Variants in SMARCA2 observed in about 807,000 individuals in gnomAD.
SMARCA2 encodes the protein SWI/SNF related BAF chromatin remodeling complex subunit ATPase 2, also known as SWI/SNF-related matrix-associated actin-dependent regulator of chromatin subfamily A member 2.
In SMARCA2, 61 loss-of-function variants were observed where a neutral mutation model predicts 199.8. The observed-to-expected ratio is 0.31, with a 90% CI of 0.25 to 0.38. The LOEUF (loss-of-function observed/expected upper bound fraction) is 0.38. SMARCA2 is among the 10% of genes least tolerant of loss of function. SMARCA2 has a pLI of 1.00. For synonymous variants in SMARCA2, 935 were observed against 732.0 expected (o/e 1.28, Z -4.48); for missense variants, 1,344 against 2,012.2 (o/e 0.67, Z 6.35).
intron 27 of SMARCA2, chr9:2,159,684 T>G: frequency 8.4e-7 from 1 of 1,193,732 alleles, no homozygotes; most frequent in African/African-American, 1.5e-5. Context: ...CCTTCGGGCC[T>G]TGTAGTAGGT....
chr9:2,137,584 A>G (rs146665991), intron 27 of SMARCA2, among the ~76,000 whole-genome samples: 1 of 152,176 alleles, frequency 6.6e-6, no homozygotes, highest in Non-Finnish European at 1.5e-5. Context: ...GCTGAAATAG[A>G]TAGCCCCTGG....
intron 27 of SMARCA2, among the ~76,000 whole-genome samples, chr9:2,141,159 T>C (rs1586747035): frequency 9.4e-6 from 1 of 106,620 alleles, no homozygotes; most frequent in Admixed American, 9.7e-5. Flanking sequence ...TTTTCAGGAC[T>C]TTTCCTGAGC....
chr9:2,017,511 G>T lies in SMARCA2; in HGVS notation c.-37+2107G>T. ...GGGGAGGACAAGGCGAGGTTTGGTG[G>T]CGAGGGCTGGTGGGGGTGGCGTGTG... On this transcript the variant is annotated intron_variant, in intron 1 of 33. Coordinates refer to ENST00000349721, the MANE Select transcript of SMARCA2 (RefSeq NM_003070.5). This position sits in a 1 kb window ranked among gnomAD's most constrained non-coding sequence, Gnocchi z 8.8. 6.5e-6 allele frequency: 1 copy of T among 152,834 alleles called. No individual in the cohort carries two copies. Among genetic ancestry groups the T allele is most frequent in the Non-Finnish European group, 1.5e-5 (1 of 68,392 alleles). 9.5% of individuals were successfully genotyped at this position (152,834 alleles called of 1,614,324 possible). A position where few individuals can be genotyped will look rare whatever the true frequency, so the allele number is the denominator to read the frequency against.
At chr9:2,142,026 C>T (rs983790506) in intron 27 of SMARCA2, among the ~76,000 whole-genome samples, 6 of 151,956 alleles carry the variant, frequency 3.9e-5, no homozygotes, top group African/African-American at 2.4e-5. Flanking sequence ...CAGTAGGGGC[C>T]CCTTAGTGGA....
rs1319323773 is a variant in SMARCA2 at position 2,028,882 on chromosome 9, G to C, written c.-36-105G>C. 6 of 930,780 alleles carry C rather than the reference G, an allele frequency of 6.4e-6. No individual in the cohort carries two copies. In the East Asian group the frequency reaches 1.6e-4, roughly 24 times the overall value. The allele number at this position is 930,780 out of a possible 1,614,324, so 57.7% of individuals were successfully genotyped here. On this transcript the variant is annotated intron_variant, in intron 1 of 33. Transcript: ENST00000349721. ...TGGACTAGACAGGGCAGCTCTGTTT[G>C]ATGTTTGTTACAGAAATGGCACCAT...
At chr9:2,109,631 G>GT (rs1288500857) in intron 23 of SMARCA2, among the ~76,000 whole-genome samples, 2 of 123,392 alleles carry the variant, frequency 1.6e-5, no homozygotes, top group East Asian at 2.3e-4. Context: ...GAGATTTCTT[G>GT]TGGGGGGGGT....
At chr9:2,150,307 A>T (rs1370139597) in intron 27 of SMARCA2, among the ~76,000 whole-genome samples, 2 of 151,594 alleles carry the variant, frequency 1.3e-5, no homozygotes, top group Non-Finnish European at 3.0e-5. Context: ...TCAAATTCTT[A>T]ATAGAAGTGA....
chr9:2,084,565 G>A (rs534298639), intron 17 of SMARCA2, among the ~76,000 whole-genome samples: 1 of 152,074 alleles, frequency 6.6e-6, no homozygotes, highest in East Asian at 1.9e-4. Flanking sequence ...TGTTTTTGTT[G>A]CCCTGAGATA....
chr9:2,129,243 C>G (rs1255964899), intron 27 of SMARCA2, among the ~76,000 whole-genome samples: 1 of 152,084 alleles, frequency 6.6e-6, no homozygotes, highest in Non-Finnish European at 1.5e-5. Context: ...ACGGTGAAAC[C>G]CCATCTCTAC....
chr9:2,070,366 C>A, intron 9 of SMARCA2, 52 bp from the exon 10 acceptor site: 1 of 1,477,428 alleles, frequency 6.8e-7, no homozygotes, highest in Non-Finnish European at 9.5e-7. Flanking sequence ...CCAGGAAGTC[C>A]TGTACCCCAT....
chr9:2,181,804 G>A, intron 30 of SMARCA2, 128 bp downstream of exon 30: 1 of 639,324 alleles, frequency 1.6e-6, no homozygotes, highest in East Asian at 2.7e-5. Flanking sequence ...GAAAGGTTGG[G>A]ATGTCCTTGT....
chr9:2,109,099 T>G (rs1275517095), intron 23 of SMARCA2, among the ~76,000 whole-genome samples: 1 of 152,210 alleles, frequency 6.6e-6, no homozygotes, highest in Non-Finnish European at 1.5e-5. Context: ...TTGGCCCTCA[T>G]AGTAACTTGA....
chr9:2,031,213 G>C (rs1178077649), intron 2 of SMARCA2, among the ~76,000 whole-genome samples: 5 of 151,972 alleles, frequency 3.3e-5, no homozygotes, highest in African/African-American at 9.7e-5. Flanking sequence ...CTAGTTTTCT[G>C]TCTCCTCTTT....
intron 27 of SMARCA2, among the ~76,000 whole-genome samples, chr9:2,148,175 T>G (rs1032919919): frequency 1.3e-5 from 2 of 151,860 alleles, no homozygotes; most frequent in East Asian, 1.9e-4. Flanking sequence ...AGAACCCAAT[T>G]TCTTCTCACA....
intron 28 of SMARCA2, among the ~76,000 whole-genome samples, chr9:2,168,985 AC>A (rs35472698): frequency 0.024 from 3,619 of 152,168 alleles, 130 homozygotes; most frequent in African/African-American, 0.083. Context: ...TCCTCCCGTC[AC>A]TCGTGCACAT....
intron 27 of SMARCA2, among the ~76,000 whole-genome samples, chr9:2,148,897 G>C (rs368127980): frequency 6.6e-6 from 1 of 151,422 alleles, no homozygotes; most frequent in African/African-American, 2.4e-5. Flanking sequence ...AGTTGACCTG[G>C]TCTCCTGGTG....
intron 1 of SMARCA2, among the ~76,000 whole-genome samples, chr9:2,020,721 G>A (rs1340768216): frequency 6.6e-6 from 1 of 152,142 alleles, no homozygotes; most frequent in Non-Finnish European, 1.5e-5. Context: ...GAGCTTTTAA[G>A]TAGTAAAAGT....
chr9:2,125,582 C>T (rs886896194), intron 27 of SMARCA2, among the ~76,000 whole-genome samples: 2 of 151,708 alleles, frequency 1.3e-5, no homozygotes, highest in African/African-American at 2.4e-5. Flanking sequence ...CTCTGCCTAC[C>T]GGGTTCAAGG....
At chr9:2,191,607 C>T (rs555698751) in intron 33 of SMARCA2, 199 bp downstream of exon 33, 240 of 480,212 alleles carry the variant, frequency 5.0e-4, no homozygotes, top group Middle Eastern at 1.2e-3. Flanking sequence ...TGTTTATTGC[C>T]TTTTTAATAG....
Sources: allele counts gnomAD v4.1 joint callset (sites outside exome capture counted in the v4.1 genomes callset), GRCh38; gene constraint gnomAD v4.1.1; non-coding constraint Gnocchi (gnomAD v3.1); transcripts MANE v1.5; gene names NCBI Gene and HGNC (gene_info 2026-07-23, HGNC 2026-07-21).